Variants in NFATC3 observed in about 807,000 individuals in gnomAD.
NFATC3 encodes nuclear factor of activated T cells 3.
A neutral mutation model predicts 98.6 loss-of-function variants in NFATC3; 46 were observed. That is an observed-to-expected ratio of 0.47 (90% confidence interval 0.37 to 0.60). The LOEUF (loss-of-function observed/expected upper bound fraction) is 0.60, where lower values mean the gene tolerates loss of function less well. NFATC3 is among the 20% of genes least tolerant of loss of function. NFATC3 has a pLI of 0.00. For missense variants in NFATC3, 1,256 were observed against 1,295.5 expected (o/e 0.97, Z 0.47); for synonymous variants, 512 against 472.2 (o/e 1.08, Z -1.09).
intron 1 of NFATC3, among the ~76,000 whole-genome samples, chr16:68,108,696 T>C (rs1032868499): frequency 6.6e-6 from 1 of 152,230 alleles, no homozygotes; most frequent in African/African-American, 2.4e-5. Context: ...ATATTGATTC[T>C]TCCTATCCAT....
intron 9 of NFATC3, among the ~76,000 whole-genome samples, chr16:68,208,122 A>G (rs1173884202): frequency 6.6e-6 from 1 of 150,430 alleles, no homozygotes; most frequent in African/African-American, 2.4e-5. Context: ...TGCAGCCTCC[A>G]CCTCCCAAGT....
chr16:68,186,456 C>T (rs556065809), intron 8 of NFATC3, among the ~76,000 whole-genome samples: 10 of 152,068 alleles, frequency 6.6e-5, no homozygotes, highest in Non-Finnish European at 1.0e-4. Context: ...AGGAGAATGG[C>T]GTGAACCCAG....
chr16:68,134,691 G>C (rs558982803), intron 3 of NFATC3, among the ~76,000 whole-genome samples: 4 of 152,244 alleles, frequency 2.6e-5, no homozygotes, highest in East Asian at 1.9e-4. Context: ...TAATTTGCTA[G>C]GGTTTGTTTT....
At chr16:68,132,931 G>A (rs761618493) in intron 3 of NFATC3, among the ~76,000 whole-genome samples, 2 of 152,026 alleles carry the variant, frequency 1.3e-5, no homozygotes, top group African/African-American at 4.8e-5. Context: ...GGAAGAATAA[G>A]ACTTGTATTA....
intron 4 of NFATC3, among the ~76,000 whole-genome samples, chr16:68,165,478 C>G (rs1390980364): frequency 6.7e-6 from 1 of 149,242 alleles, no homozygotes; most frequent in African/African-American, 2.5e-5. Context: ...CTCATTGCAA[C>G]CTCTGCCTCC....
chr16:68,164,186 G>A (rs1297429938), intron 4 of NFATC3, among the ~76,000 whole-genome samples: 7 of 152,238 alleles, frequency 4.6e-5, no homozygotes, highest in African/African-American at 4.8e-5. Context: ...GATCACTCGT[G>A]GTTAGGAGCT....
Position 68,226,181 on chromosome 16 carries a change from G to A in NFATC3, c.3107-169G>A, listed in dbSNP as rs1024864166. 1.6e-5 allele frequency: 11 copies of A among 687,630 alleles called. No individual in the cohort carries two copies. In the Admixed American group the frequency reaches 2.5e-4, roughly 16 times the overall value. 42.6% of individuals were successfully genotyped at this position (687,630 alleles called of 1,614,324 possible). A position where few individuals can be genotyped will look rare whatever the true frequency, so the allele number is the denominator to read the frequency against. On this transcript the variant is annotated intron_variant, in intron 9 of 9. Coordinates refer to ENST00000346183, the MANE Select transcript of NFATC3 (RefSeq NM_173165.3). The stretch of plus-strand genomic sequence containing the variant: ...AGAGGTCCAGAGTAGTTTGTGGAGC[G>A]ATGTTTCCATCTCTAATGCCACTCA...
intron 1 of NFATC3, among the ~76,000 whole-genome samples, chr16:68,109,982 C>T (rs2035857372): frequency 6.6e-6 from 1 of 151,814 alleles, no homozygotes; most frequent in African/African-American, 2.4e-5. Flanking sequence ...TTAGCCTAGC[C>T]AAGCTCCTGG....
In NFATC3 at chr16:68,213,062, G is replaced by A. The variant is rs1261165346; in HGVS notation, c.3107-13288G>A. ...GATCCACCCGCCTCAGCCTCCCAAAGTGCTGGGATTACAGGTGTGAGCCAC... is the reference window on the plus strand; with the variant it reads ...GATCCACCCGCCTCAGCCTCCCAAAATGCTGGGATTACAGGTGTGAGCCAC... On this transcript the variant is annotated intron_variant, in intron 9 of 9. Coordinates refer to ENST00000346183, the MANE Select transcript of NFATC3 (RefSeq NM_173165.3). 4.7e-5 allele frequency among the ~76,000 whole-genome samples: 7 copies of A among 148,012 alleles called. No individual in the cohort carries two copies. In the South Asian group the frequency reaches 1.3e-3, roughly 27 times the overall value.
intron 3 of NFATC3, chr16:68,138,863 T>G: frequency 2.6e-5 from 28 of 1,066,160 alleles, no homozygotes; most frequent in Non-Finnish European, 3.0e-5. Context: ...ATACGGGCTC[T>G]AGAGCCAGAC....
intron 9 of NFATC3, among the ~76,000 whole-genome samples, chr16:68,215,937 C>T (rs1249727128): frequency 6.6e-6 from 1 of 151,974 alleles, no homozygotes; most frequent in East Asian, 1.9e-4. Flanking sequence ...ACTGTGTTAG[C>T]CAGGATGGTC....
At chr16:68,212,651 C>T (rs893871650) in intron 9 of NFATC3, 8 of 152,068 alleles carry the variant, frequency 5.3e-5, no homozygotes, top group Non-Finnish European at 1.0e-4. Context: ...CAATAAAATA[C>T]AAGGATTATG....
intron 7 of NFATC3, among the ~76,000 whole-genome samples, chr16:68,182,220 C>T (rs1356484286): frequency 4.6e-5 from 7 of 152,140 alleles, no homozygotes; most frequent in Admixed American, 2.0e-4. Context: ...AAGACAAGTC[C>T]TTAGGAATTG....
In NFATC3 at chr16:68,104,227, A is replaced by G. The variant is rs188501574; in HGVS notation, c.104-17760A>G. 4.6e-5 allele frequency among the ~76,000 whole-genome samples: 7 copies of G among 152,248 alleles called. No homozygotes were observed. The East Asian group carries it at 9.6e-4, about 21-fold the overall frequency. ...ATTTCAGCAATGTTTTGTAATTTTTAGTGTGTAAGTTTTTCATGTCCTTGG... is the reference window on the plus strand; with the variant it reads ...ATTTCAGCAATGTTTTGTAATTTTTGGTGTGTAAGTTTTTCATGTCCTTGG... On this transcript the variant is annotated intron_variant, in intron 1 of 9. Coordinates refer to ENST00000346183, the MANE Select transcript of NFATC3 (RefSeq NM_173165.3).
At position 68,131,336 on chromosome 16, in the gene NFATC3, G is replaced by A. The variant is rs59736154; in HGVS notation, c.1401+4726G>A. Among the ~76,000 whole-genome samples, 1,148 of 152,208 alleles carry A rather than the reference G, an allele frequency of 7.5e-3. 20 individuals are homozygous for A. Among genetic ancestry groups the A allele is most frequent in the African/African-American group, 0.026 (1,089 of 41,528 alleles). On this transcript the variant is annotated intron_variant, in intron 3 of 9. Transcript: ENST00000346183. ...TCTGTTACACCAGCTGGAGTACAGC[G>A]GTGTGATATTGGCTCACTGCAGCCT...
chr16:68,203,162 C>A (rs184655149), intron 9 of NFATC3, among the ~76,000 whole-genome samples: 12 of 152,082 alleles, frequency 7.9e-5, no homozygotes, highest in African/African-American at 2.4e-4. Flanking sequence ...CTGGGACATA[C>A]AATAAGAAAA....
chr16:68,129,537 AT>A (rs997236714), intron 3 of NFATC3, among the ~76,000 whole-genome samples: 30 of 151,714 alleles, frequency 2.0e-4, no homozygotes, highest in African/African-American at 7.0e-4. Context: ...CCTTTCCCAT[AT>A]ATTTTGTTGT....
intron 9 of NFATC3, among the ~76,000 whole-genome samples, chr16:68,213,050 C>G (rs1567552834): frequency 6.7e-6 from 1 of 149,720 alleles, no homozygotes; most frequent in Non-Finnish European, 1.5e-5. Context: ...CCACCCGCCT[C>G]AGCCTCCCAA....
chr16:68,104,691 G>A (rs902161427), intron 1 of NFATC3, among the ~76,000 whole-genome samples: 2 of 130,344 alleles, frequency 1.5e-5, no homozygotes, highest in Admixed American at 8.0e-5. Flanking sequence ...TGGCTCTGTC[G>A]CCCAGGCTGG....
Sources: allele counts gnomAD v4.1 joint callset (sites outside exome capture counted in the v4.1 genomes callset), GRCh38; gene constraint gnomAD v4.1.1; transcripts MANE v1.5; gene names NCBI Gene and HGNC (gene_info 2026-07-23, HGNC 2026-07-21).